SPECC1: variants seen among roughly 807,000 people sequenced by gnomAD.
The protein encoded by SPECC1 is cytospin-B.
SPECC1 carries 62 observed loss-of-function variants against 104.1 expected under a neutral mutation model. The ratio of observed to expected loss-of-function variants is 0.60; its 90% CI spans 0.49 to 0.74. SPECC1 has a LOEUF of 0.74. Among genes scored for constraint, SPECC1 ranks in the 30% least tolerant of loss-of-function variants. The pLI, the probability that SPECC1 is intolerant of heterozygous loss-of-function variation, is 0.00. For synonymous variants in SPECC1, 513 were observed against 501.6 expected, an observed-to-expected ratio of 1.02 and a Z score of -0.30; for missense variants, 1,306 against 1,310.5, an observed-to-expected ratio of 1.00 and a Z score of 0.05.
At chr17:20,079,278 A>T (rs967166597) in intron 1 of SPECC1, among the ~76,000 whole-genome samples, 1 of 151,786 alleles carries the variant, frequency 6.6e-6, no homozygotes, top group African/African-American at 2.4e-5. Context: ...TGTGTTCCTT[A>T]TCTCTGGTTT....
rs115235492 is a variant in SPECC1, at chr17:20,126,642, G to C, written c.283+16080G>C. The stretch of plus-strand genomic sequence containing the variant: ...TCAGCTGCAGATAACAATGCCTTTT[G>C]TCTCCTCCATTCCAGGAGTTATTCT... On this transcript the variant is annotated intron_variant, in intron 3 of 14. Coordinates refer to ENST00000395527, the MANE Select transcript of SPECC1 (RefSeq NM_001243439.2). Among the ~76,000 whole-genome samples, 361 of 152,264 alleles carry C rather than the reference G, an allele frequency of 2.4e-3. 1 individual carries two copies. The highest frequency in any genetic ancestry group is 8.4e-3 in the African/African-American group (349 of 41,556).
At chr17:20,264,218 C>T (rs1194269312) in intron 12 of SPECC1, among the ~76,000 whole-genome samples, 2 of 151,986 alleles carry the variant, frequency 1.3e-5, no homozygotes, top group Non-Finnish European at 1.5e-5. Flanking sequence ...TATGTTACAT[C>T]CCTCCATATA....
rs533350665 is a variant in SPECC1 at position 20,202,415 on chromosome 17, C to A, written c.284-1918C>A. On this transcript the variant is annotated intron_variant, in intron 3 of 14. Coordinates refer to ENST00000395527, the MANE Select transcript of SPECC1 (RefSeq NM_001243439.2). ...ACTATGGGACCCATACAAAGTGCCA[C>A]TAGTGATGCTGGCAGTGCTCCCTAG... 6.6e-5 allele frequency among the ~76,000 whole-genome samples: 10 copies of A among 152,218 alleles called. No homozygotes were observed. In the East Asian group the frequency reaches 1.7e-3, roughly 26 times the overall value.
chr17:20,106,737 A>G (rs2048216697), intron 2 of SPECC1, among the ~76,000 whole-genome samples: 1 of 152,168 alleles, frequency 6.6e-6, no homozygotes, highest in African/African-American at 2.4e-5. Context: ...GCCATGTGGA[A>G]CTGTGAGTCA....
chr17:20,216,467 T>C (rs2037495517), intron 4 of SPECC1, among the ~76,000 whole-genome samples: 1 of 152,126 alleles, frequency 6.6e-6, no homozygotes, highest in African/African-American at 2.4e-5. Context: ...AGTAAGGAGT[T>C]TGGGGGTCCT....
At chr17:20,213,371 A>G (rs570286811) in intron 4 of SPECC1, among the ~76,000 whole-genome samples, 4 of 152,328 alleles carry the variant, frequency 2.6e-5, no homozygotes, top group African/African-American at 9.6e-5. Context: ...CTGGGATTGC[A>G]GGGGTGAGCC....
At chr17:20,117,717 A>AAAAAAAAAAAAAAAG (rs2048829928) in intron 3 of SPECC1, among the ~76,000 whole-genome samples, 1 of 146,124 alleles carries the variant, frequency 6.8e-6, no homozygotes, top group Non-Finnish European at 1.5e-5. Context: ...AAAAAAAAAA[A>AAAAAAAAAAAAAAAG]AAAAGAAAAG....
In SPECC1 at chr17:20,160,940, A is replaced by G. The variant is rs1003871583; in HGVS notation, c.284-43393A>G. Reference sequence around the variant, plus strand: ...TTAGTATAAAAATGCTAGTGGTAGAATACAAGTAGTGGTATACAGAAGTTT... The same window carrying G: ...TTAGTATAAAAATGCTAGTGGTAGAGTACAAGTAGTGGTATACAGAAGTTT... On this transcript the variant is annotated intron_variant, in intron 3 of 14. Transcript: ENST00000395527. Among the ~76,000 whole-genome samples, 10 of 152,266 alleles carry G rather than the reference A, an allele frequency of 6.6e-5. 1 individual carries two copies. Among genetic ancestry groups the G allele is most frequent in the Admixed American group, 5.9e-4 (9 of 15,282 alleles).
In SPECC1 at chr17:20,030,282, A is replaced by G. The variant is rs150198036; in HGVS notation, c.-22+20858A>G. ...TACCAGAATATACTTCATATTTATA[A>G]TTTAATTCTAGTTAGATACCAAAAT... On this transcript the variant is annotated intron_variant, in intron 1 of 14. Transcript: ENST00000395527. Among the ~76,000 whole-genome samples, 58 of 152,228 alleles carry G rather than the reference A, an allele frequency of 3.8e-4. No individual in the cohort carries two copies. In the East Asian group the frequency reaches 0.011, roughly 28 times the overall value.
chr17:20,286,190 C>T (rs966257662), intron 12 of SPECC1, among the ~76,000 whole-genome samples: 2 of 152,112 alleles, frequency 1.3e-5, no homozygotes, highest in Non-Finnish European at 2.9e-5. Flanking sequence ...CAGCATTCAG[C>T]CCCCCAGAAT....
At chr17:20,064,709 C>T (rs1016297791) in intron 1 of SPECC1, among the ~76,000 whole-genome samples, 1 of 152,140 alleles carries the variant, frequency 6.6e-6, no homozygotes, top group Non-Finnish European at 1.5e-5. Flanking sequence ...CTTGTAAGCC[C>T]ACAAACTTCT....
chr17:20,241,879 T>C (rs1239099929), intron 7 of SPECC1, among the ~76,000 whole-genome samples: 1 of 152,178 alleles, frequency 6.6e-6, no homozygotes, highest in Non-Finnish European at 1.5e-5. Context: ...GGGCATAGAA[T>C]GAGCAAAGGC....
intron 12 of SPECC1, among the ~76,000 whole-genome samples, chr17:20,292,773 G>A (rs1005241021): frequency 2.0e-5 from 3 of 152,202 alleles, no homozygotes; most frequent in Non-Finnish European, 4.4e-5. Flanking sequence ...GGCATCCTCA[G>A]GCTTTTACGT....
At chr17:20,285,723 G>C (rs907900162) in intron 12 of SPECC1, among the ~76,000 whole-genome samples, 4 of 151,722 alleles carry the variant, frequency 2.6e-5, no homozygotes, top group Admixed American at 1.3e-4. Flanking sequence ...AAGACAATCA[G>C]GGTCCTTCCC....
chr17:20,056,656 A>G (rs932037687), intron 1 of SPECC1: 2 of 155,390 alleles, frequency 1.3e-5, no homozygotes, highest in Admixed American at 6.5e-5. Context: ...ATTTTCAATG[A>G]TTTCTGGACT....
chr17:20,241,289 G>T (rs111626219), intron 7 of SPECC1, among the ~76,000 whole-genome samples: 8 of 152,224 alleles, frequency 5.3e-5, no homozygotes, highest in South Asian at 4.2e-4. Flanking sequence ...CATTTTAGGT[G>T]CACACTGTGG....
At chr17:20,016,217 C>CAA (rs71157853) in intron 1 of SPECC1, among the ~76,000 whole-genome samples, 24 of 104,040 alleles carry the variant, frequency 2.3e-4, no homozygotes, top group African/African-American at 7.1e-4. Context: ...GACTCCATCT[C>CAA]AAAAAAAAAA....
chr17:20,128,100 G>A (rs1206086718), intron 3 of SPECC1, among the ~76,000 whole-genome samples: 1 of 152,222 alleles, frequency 6.6e-6, no homozygotes, highest in African/African-American at 2.4e-5. Context: ...ATATCAGTGT[G>A]TAAGTGCTGG....
At chr17:20,252,338 T>C (rs896206989) in intron 9 of SPECC1, among the ~76,000 whole-genome samples, 14 of 152,174 alleles carry the variant, frequency 9.2e-5, no homozygotes, top group Non-Finnish European at 1.6e-4. Flanking sequence ...TATTGTGGGA[T>C]GCTGAGGTTT....
Sources: allele counts gnomAD v4.1 joint callset (sites outside exome capture counted in the v4.1 genomes callset), GRCh38; gene constraint gnomAD v4.1.1; transcripts MANE v1.5; gene names NCBI Gene and HGNC (gene_info 2026-07-23, HGNC 2026-07-21).